PIGL: variants seen among roughly 807,000 people sequenced by gnomAD.
The protein encoded by PIGL is N-acetylglucosaminyl-phosphatidylinositol de-N-acetylase.
Under a neutral mutation model 31.1 loss-of-function variants are expected in PIGL, and 22 were observed. The observed-to-expected ratio is 0.71, with a 90% CI of 0.51 to 1.01. The LOEUF (loss-of-function observed/expected upper bound fraction) is 1.01. Among genes scored for constraint, PIGL ranks in the 50% least tolerant of loss-of-function variants. PIGL has a pLI of 0.00. For synonymous variants in PIGL, 131 were observed against 117.4 expected (o/e 1.12, Z -0.75); for missense variants, 302 against 315.9 (o/e 0.96, Z 0.33).
Position 16,315,702 on chromosome 17 carries a change from TTCTTTC to T in PIGL, c.495-977_495-972del, listed in dbSNP as rs1353248700. Among the ~76,000 whole-genome samples the T allele has an allele frequency of 4.6e-3, 443 of 96,454 alleles. 3 individuals carry two copies. The highest frequency in any genetic ancestry group is 6.5e-3 in the Non-Finnish European group (337 of 51,670). The allele number at this position is 96,454 out of a possible 152,430, so 63.3% of individuals were successfully genotyped here. A position where few individuals can be genotyped will look rare whatever the true frequency, so the allele number is the denominator to read the frequency against. On this transcript the variant is annotated intron_variant, in intron 4 of 6. Coordinates refer to ENST00000225609, the MANE Select transcript of PIGL (RefSeq NM_004278.4). Reference sequence around the variant, plus strand: ...TCTTTTCTTTTCTTTCTTTCTTTCTTTCTTTCTTTTTTTTTTTTTTTTTTTTTTTTT... The same window carrying T: ...TCTTTTCTTTTCTTTCTTTCTTTCTTTTTTTTTTTTTTTTTTTTTTTTTTT...
intron 3 of PIGL, among the ~76,000 whole-genome samples, chr17:16,301,260 T>C (rs2093003231): frequency 6.6e-6 from 1 of 151,858 alleles, no homozygotes; most frequent in Admixed American, 6.6e-5. Context: ...GTCTGGCTAA[T>C]TTCTTTTTTC....
chr17:16,233,956 A>G lies in PIGL; in HGVS notation c.236-15A>G. On this transcript the variant is annotated splice_polypyrimidine_tract_variant and intron_variant, in intron 1 of 6. Transcript: ENST00000225609. ...AAAAAAAAAAAATCTACCACTGTAT[A>G]TTTGTTACCCTCAGGAAATTACTAC... 6.8e-7 allele frequency: 1 copy of G among 1,478,424 alleles called. No homozygotes were observed. The highest frequency in any genetic ancestry group is 9.4e-7 in the Non-Finnish European group (1 of 1,059,066). The allele number at this position is 1,478,424 out of a possible 1,614,324, so 91.6% of individuals were successfully genotyped here. A position where few individuals can be genotyped will look rare whatever the true frequency, so the allele number is the denominator to read the frequency against.
chr17:16,254,344 A>G (rs138076908), intron 2 of PIGL, among the ~76,000 whole-genome samples: 78 of 152,090 alleles, frequency 5.1e-4, no homozygotes, highest in African/African-American at 1.7e-3. Flanking sequence ...TCTCAGCTCA[A>G]TGCAACCTCT....
intron 1 of PIGL, among the ~76,000 whole-genome samples, chr17:16,232,336 A>G (rs937272035): frequency 3.9e-5 from 6 of 152,190 alleles, no homozygotes; most frequent in Non-Finnish European, 8.8e-5. Flanking sequence ...TTTCTCCACC[A>G]CCCCAAAAGA....
At chr17:16,311,728 T>A (rs2093051402) in intron 3 of PIGL, among the ~76,000 whole-genome samples, 1 of 151,460 alleles carries the variant, frequency 6.6e-6, no homozygotes, top group South Asian at 2.1e-4. Context: ...TTAATCCATT[T>A]AACCCTGAGT....
chr17:16,262,039 AT>A lies in PIGL; in HGVS notation c.335+27970del, dbSNP rs548154101. ...GGAGTTCAAGACCAGCCTGGTCGAC[AT>A]GGTGAAATTCCATCTCTACTAAAAA... On this transcript the variant is annotated intron_variant, in intron 2 of 6. Coordinates refer to ENST00000225609, the MANE Select transcript of PIGL (RefSeq NM_004278.4). Among the ~76,000 whole-genome samples, 665 of 152,094 alleles carry A rather than the reference AT, an allele frequency of 4.4e-3. 6 individuals carry two copies. The highest frequency in any genetic ancestry group is 0.015 in the African/African-American group (621 of 41,534).
intron 2 of PIGL, among the ~76,000 whole-genome samples, chr17:16,268,708 C>T (rs2092856299): frequency 6.6e-6 from 1 of 152,028 alleles, no homozygotes; most frequent in Non-Finnish European, 1.5e-5. Flanking sequence ...CCTCAGCCTC[C>T]CAAAGTGCTG....
In PIGL at chr17:16,279,464, A is replaced by G. The variant is rs76667351; in HGVS notation, c.336-20424A>G. On this transcript the variant is annotated intron_variant, in intron 2 of 6. Coordinates refer to ENST00000225609, the MANE Select transcript of PIGL (RefSeq NM_004278.4). The stretch of plus-strand genomic sequence containing the variant: ...AAGAGATATTTTGCCTGCAAGGCCA[A>G]TGAGACCCACTTAGGATGGTCTTAG... 8.2e-3 allele frequency among the ~76,000 whole-genome samples: 1,251 copies of G among 152,368 alleles called. 23 individuals carry two copies. Among genetic ancestry groups the G allele is most frequent in the African/African-American group, 0.029 (1,194 of 41,590 alleles).
chr17:16,269,246 C>T (rs2092859277), intron 2 of PIGL, among the ~76,000 whole-genome samples: 1 of 152,228 alleles, frequency 6.6e-6, no homozygotes, highest in African/African-American at 2.4e-5. Flanking sequence ...TTAGCTGACA[C>T]ATATGGCCTC....
chr17:16,237,354 C>T (rs1475506090), intron 2 of PIGL, among the ~76,000 whole-genome samples: 2 of 151,142 alleles, frequency 1.3e-5, no homozygotes, highest in African/African-American at 2.4e-5. Flanking sequence ...GTGATCCGCC[C>T]TCCTCGGCCT....
chr17:16,271,967 T>A (rs913753103), intron 2 of PIGL, among the ~76,000 whole-genome samples: 3 of 152,152 alleles, frequency 2.0e-5, no homozygotes, highest in Non-Finnish European at 2.9e-5. Context: ...TCAAGCAATC[T>A]TCCCACCTTG....
chr17:16,265,396 C>T (rs1410895754), intron 2 of PIGL, among the ~76,000 whole-genome samples: 1 of 152,008 alleles, frequency 6.6e-6, no homozygotes, highest in Non-Finnish European at 1.5e-5. Context: ...CATAGGTGCT[C>T]AAGACTGCCC....
intron 1 of PIGL, among the ~76,000 whole-genome samples, chr17:16,232,107 G>T (rs1182573356): frequency 1.3e-5 from 2 of 151,864 alleles, no homozygotes; most frequent in East Asian, 1.9e-4. Context: ...ATGAAATCCC[G>T]TCTCTACTAA....
intron 2 of PIGL, among the ~76,000 whole-genome samples, chr17:16,283,407 G>T (rs1239664910): frequency 1.3e-5 from 2 of 152,178 alleles, no homozygotes; most frequent in African/African-American, 4.8e-5. Context: ...GGTTGAGGCT[G>T]CAGTGAGCTG....
At chr17:16,220,494 T>C (rs1352236502) in intron 1 of PIGL, among the ~76,000 whole-genome samples, 1 of 141,828 alleles carries the variant, frequency 7.1e-6, no homozygotes, top group East Asian at 2.1e-4. Context: ...TTTTTTTTTT[T>C]TTTTTTTTTT....
intron 2 of PIGL, among the ~76,000 whole-genome samples, chr17:16,292,940 A>C (rs1488290544): frequency 6.6e-6 from 1 of 152,236 alleles, no homozygotes; most frequent in Non-Finnish European, 1.5e-5. Flanking sequence ...CTGTCTCTTA[A>C]GGAAGCATCC....
At chr17:16,223,317 G>A (rs2092637591) in intron 1 of PIGL, among the ~76,000 whole-genome samples, 1 of 152,080 alleles carries the variant, frequency 6.6e-6, no homozygotes, top group East Asian at 1.9e-4. Context: ...AGTGGCTCGT[G>A]CCTGTAACCC....
chr17:16,257,140 G>A (rs1226353688), intron 2 of PIGL, among the ~76,000 whole-genome samples: 1 of 152,176 alleles, frequency 6.6e-6, no homozygotes, highest in Non-Finnish European at 1.5e-5. Flanking sequence ...CAACAGACCA[G>A]GCACGGTGGC....
intron 2 of PIGL, among the ~76,000 whole-genome samples, chr17:16,280,696 G>T (rs1039391781): frequency 5.9e-5 from 9 of 151,608 alleles, no homozygotes; most frequent in African/African-American, 2.2e-4. Context: ...TTCACTCAGT[G>T]TTTTTTTTGT....
Sources: allele counts gnomAD v4.1 joint callset (sites outside exome capture counted in the v4.1 genomes callset), GRCh38; gene constraint gnomAD v4.1.1; transcripts MANE v1.5; gene names NCBI Gene and HGNC (gene_info 2026-07-23, HGNC 2026-07-21).